SAMD12: variants seen among roughly 807,000 people sequenced by gnomAD.
SAMD12 encodes the protein sterile alpha motif domain-containing protein 12.
Under a neutral mutation model 15.0 loss-of-function variants are expected in SAMD12, and 9 were observed. The ratio of observed to expected loss-of-function variants is 0.60; its 90% confidence interval spans 0.36 to 1.05. The LOEUF (loss-of-function observed/expected upper bound fraction) is 1.05. SAMD12 is among the 50% of genes least tolerant of loss of function. The probability of loss-of-function intolerance (pLI) is 0.01; values close to 1 mark genes in which losing one functional copy is unlikely to be tolerated. For synonymous variants in SAMD12, 86 were observed against 90.1 expected (o/e 0.96, Z 0.25); for missense variants, 230 against 234.2 (o/e 0.98, Z 0.12).
Position 118,392,811 on chromosome 8 carries a change from CCTCTACCTACTAGATGACAATAATACT to C in SAMD12, c.323-13138_323-13112del, listed in dbSNP as rs1443029899. On this transcript the variant is annotated intron_variant, in intron 3 of 3. Coordinates refer to ENST00000314727, the MANE Select transcript of SAMD12 (RefSeq NM_207506.3). Reference sequence around the variant, plus strand: ...GCAGGATGCTGTGTGGCATCCTTGGCCTCTACCTACTAGATGACAATAATACTCCCTACCCCTACTTGTGTTAATCAA... The same window carrying C: ...GCAGGATGCTGTGTGGCATCCTTGGCCCCTACCCCTACTTGTGTTAATCAA... Among the ~76,000 whole-genome samples, 44 of 152,074 alleles carry C rather than the reference CCTCTACCTACTAGATGACAATAATACT, an allele frequency of 2.9e-4. No individual in the cohort carries two copies. The East Asian group carries it at 7.9e-3, about 27-fold the overall frequency.
At chr8:118,341,693 T>C (rs1817374437) in intron 4 of SAMD12, among the ~76,000 whole-genome samples, 1 of 152,168 alleles carries the variant, frequency 6.6e-6, no homozygotes, top group African/African-American at 2.4e-5. Context: ...AGGGCACTGA[T>C]CCAATCACTT....
chr8:118,589,022 G>T (rs1006659329), intron 1 of SAMD12, among the ~76,000 whole-genome samples: 1 of 152,108 alleles, frequency 6.6e-6, no homozygotes, highest in Admixed American at 6.5e-5. Flanking sequence ...TGTCCAGAAG[G>T]GTAATTCAGC....
rs1014478098 is a variant in SAMD12, at chr8:118,366,378, C to A, written c.433+13182G>T. Among the ~76,000 whole-genome samples, 12 of 152,294 alleles carry A rather than the reference C, an allele frequency of 7.9e-5. No homozygotes were observed. The East Asian group carries it at 1.4e-3, about 17-fold the overall frequency. On this transcript the variant is annotated intron_variant, in intron 4 of 4. Coordinates refer to the SAMD12 transcript ENST00000409003. ...ATATTTTACATATAGGTCTCCTTAA[C>A]ATGACTTCAAAGGCAAGAATTTAAT...
At chr8:118,390,072 T>C (rs1820187866) in intron 3 of SAMD12, among the ~76,000 whole-genome samples, 1 of 152,082 alleles carries the variant, frequency 6.6e-6, no homozygotes, top group African/African-American at 2.4e-5. Context: ...AGTGGCACGA[T>C]CTTGGCTCAC....
intron 4 of SAMD12, among the ~76,000 whole-genome samples, chr8:118,230,764 T>G (rs540289988): frequency 6.6e-6 from 1 of 152,158 alleles, no homozygotes; most frequent in African/African-American, 2.4e-5. Context: ...ACTTGAGGTA[T>G]TCAAGAAAGG....
At chr8:118,441,199 C>T (rs1044468213) in intron 2 of SAMD12, among the ~76,000 whole-genome samples, 3 of 151,930 alleles carry the variant, frequency 2.0e-5, no homozygotes, top group African/African-American at 7.3e-5. Context: ...CATCTAATAA[C>T]TTTTAAAAAC....
At chr8:118,523,023 A>C (rs1427688875) in intron 2 of SAMD12, among the ~76,000 whole-genome samples, 1 of 152,196 alleles carries the variant, frequency 6.6e-6, no homozygotes, top group East Asian at 1.9e-4. Context: ...ATGCAATTTT[A>C]TTGGGCTTTA....
intron 2 of SAMD12, among the ~76,000 whole-genome samples, chr8:118,483,697 A>G (rs1824195477): frequency 6.6e-6 from 1 of 152,226 alleles, no homozygotes; most frequent in South Asian, 2.1e-4. Flanking sequence ...GCACACAATT[A>G]TAATAGACAG....
intron 1 of SAMD12, among the ~76,000 whole-genome samples, chr8:118,617,078 C>T (rs1479315164): frequency 6.6e-6 from 1 of 152,254 alleles, no homozygotes; most frequent in African/African-American, 2.4e-5. Flanking sequence ...GGTAAGTTCA[C>T]TGCTGCATAC....
intron 4 of SAMD12, among the ~76,000 whole-genome samples, chr8:118,352,526 A>G (rs1280448630): frequency 6.6e-6 from 1 of 152,212 alleles, no homozygotes; most frequent in African/African-American, 2.4e-5. Context: ...ACAGATGCCA[A>G]TAAAGCATTA....
chr8:118,285,010 T>C (rs1813893716), intron 4 of SAMD12: 3 of 151,360 alleles, frequency 2.0e-5, no homozygotes, highest in Admixed American at 6.6e-5. Context: ...GGAAACTATA[T>C]GGTCCCAGGC....
rs150014394 is a variant in SAMD12 at position 118,285,830 on chromosome 8, C to T, written c.434-88098G>A. On this transcript the variant is annotated intron_variant, in intron 4 of 4. Transcript: ENST00000409003. ...GTACAGTAATTGGTAGCTATAAGTA[C>T]TATAAAAGTCTGACCCTGTGAGAAC... Among the ~76,000 whole-genome samples the T allele has an allele frequency of 6.7e-3, 1,026 of 152,208 alleles. 14 individuals carry two copies. Among genetic ancestry groups the T allele is most frequent in the African/African-American group, 0.023 (967 of 41,520 alleles).
rs116001571 is a variant in SAMD12, at chr8:118,509,985, T to C, written c.193-70024A>G. ...GAGAGTTATCTGTGCACACTTTTGATATTTAAAGATGATAATATTGAGGGT... is the reference window on the plus strand; with the variant it reads ...GAGAGTTATCTGTGCACACTTTTGACATTTAAAGATGATAATATTGAGGGT... On this transcript the variant is annotated intron_variant, in intron 2 of 3. Transcript: ENST00000314727. 2.1e-3 allele frequency among the ~76,000 whole-genome samples: 327 copies of C among 152,306 alleles called. 1 individual carries two copies. Among genetic ancestry groups the C allele is most frequent in the African/African-American group, 6.2e-3 (259 of 41,574 alleles).
chr8:118,422,769 T>C (rs993742935), intron 3 of SAMD12, among the ~76,000 whole-genome samples: 2 of 152,086 alleles, frequency 1.3e-5, no homozygotes, highest in East Asian at 1.9e-4. Flanking sequence ...ACCAGAAAAG[T>C]GGCAGTAAGA....
chr8:118,471,428 A>T (rs1823790686), intron 2 of SAMD12, among the ~76,000 whole-genome samples: 1 of 152,144 alleles, frequency 6.6e-6, no homozygotes, highest in South Asian at 2.1e-4. Context: ...AGTTGTACCA[A>T]AACAGTATTA....
rs1310709073 is a variant in SAMD12 at position 118,378,211 on chromosome 8, C to T, written c.*1206G>A. Reference sequence around the variant, plus strand: ...TTAATAACTGGGCATTATACTGAATCTTATGAATTTAAGCAGAATTACTTG... The same window carrying T: ...TTAATAACTGGGCATTATACTGAATTTTATGAATTTAAGCAGAATTACTTG... On this transcript the variant is annotated 3_prime_UTR_variant, in exon 4 of 4. Coordinates refer to ENST00000314727, the MANE Select transcript of SAMD12 (RefSeq NM_207506.3). 6.1e-6 allele frequency: 1 copy of T among 163,086 alleles called. No homozygotes were observed. Among genetic ancestry groups the T allele is most frequent in the Non-Finnish European group, 1.3e-5 (1 of 78,098 alleles). 10.1% of individuals were successfully genotyped at this position (163,086 alleles called of 1,614,324 possible).
At chr8:118,338,926 G>A (rs1434405375) in intron 4 of SAMD12, among the ~76,000 whole-genome samples, 1 of 152,104 alleles carries the variant, frequency 6.6e-6, no homozygotes, top group African/African-American at 2.4e-5. Context: ...TATTGACATC[G>A]ATACTCTAGC....
At chr8:118,184,638 G>T (rs113951028), downstream of SAMD12, among the ~76,000 whole-genome samples, 732 of 152,162 alleles carry the variant, frequency 4.8e-3, 6 homozygotes, top group African/African-American at 0.017. Context: ...TGGGATTATA[G>T]GTACCTGCCA....
chr8:118,141,989 C>A, the SAMD12 span, among the ~76,000 whole-genome samples: 2 of 152,208 alleles, frequency 1.3e-5, no homozygotes, highest in Admixed American at 1.3e-4. Flanking sequence ...AGACCCAGTT[C>A]ATAGTAACAT....
Sources: gnomAD v4.1 joint callset for allele counts (sites outside exome capture counted in the v4.1 genomes callset) on GRCh38, gnomAD v4.1.1 for gene constraint, MANE v1.5 for transcripts, NCBI Gene and HGNC (gene_info 2026-07-23, HGNC 2026-07-21) for gene names.